EGFR: variants seen among roughly 807,000 people sequenced by gnomAD.
EGFR encodes the protein avian erythroblastic leukemia viral (v-erb-b) oncogene homolog.
In EGFR, 58 loss-of-function variants were observed where a neutral mutation model predicts 143.0. The ratio of observed to expected loss-of-function variants is 0.41; its 90% CI spans 0.33 to 0.50. EGFR has a LOEUF of 0.50. Among genes scored for constraint, EGFR ranks in the 20% least tolerant of loss-of-function variants. The pLI is 0.39. For missense variants in EGFR, 1,307 were observed against 1,579.0 expected, an observed-to-expected ratio of 0.83 and a Z score of 2.92; for synonymous variants, 613 against 594.4, an observed-to-expected ratio of 1.03 and a Z score of -0.45.
chr7:55,209,368 G>A lies in EGFR; in HGVS notation c.*3751G>A, dbSNP rs545116201. 3 of 152,236 alleles carry A rather than the reference G, an allele frequency of 2.0e-5. No homozygotes were observed. The highest frequency in any genetic ancestry group is 2.1e-4 in the South Asian group (1 of 4,818). 9.4% of individuals were successfully genotyped at this position (152,236 alleles called of 1,614,324 possible). ...CTGAGACTTGGCTCATTTCAAAAGC[G>A]TTCAATTCATCCTCACCAGCAGTTC... On this transcript the variant is annotated 3_prime_UTR_variant, in exon 28 of 28. Transcript: ENST00000275493.
chr7:55,068,359 C>A (rs957499380), intron 1 of EGFR, among the ~76,000 whole-genome samples: 1 of 152,148 alleles, frequency 6.6e-6, no homozygotes, highest in Non-Finnish European at 1.5e-5. Flanking sequence ...TCAGTGGCAG[C>A]CCCACACTCC....
intron 3 of EGFR, among the ~76,000 whole-genome samples, chr7:55,145,923 A>G (rs1794738421): frequency 6.6e-6 from 1 of 152,270 alleles, no homozygotes; most frequent in East Asian, 1.9e-4. Context: ...TTTTGTACAC[A>G]TAAGTCATTC....
chr7:55,099,202 C>T (rs1294525733), intron 1 of EGFR, among the ~76,000 whole-genome samples: 1 of 152,178 alleles, frequency 6.6e-6, no homozygotes, highest in East Asian at 1.9e-4. Context: ...ATCAGGATTC[C>T]ATGCCCAGAA....
intron 1 of EGFR, among the ~76,000 whole-genome samples, chr7:55,118,649 A>G (rs1368547065): frequency 6.6e-6 from 1 of 152,178 alleles, no homozygotes; most frequent in Non-Finnish European, 1.5e-5. Context: ...TGTCATGTCC[A>G]CTGGCACATG....
At chr7:55,117,463 G>C (rs1322228534) in intron 1 of EGFR, among the ~76,000 whole-genome samples, 2 of 152,226 alleles carry the variant, frequency 1.3e-5, no homozygotes, top group African/African-American at 4.8e-5. Flanking sequence ...GAGGCAGCTT[G>C]TCAAAGAGGA....
chr7:55,168,022 T>C (rs1321636797), intron 15 of EGFR, among the ~76,000 whole-genome samples: 1 of 152,210 alleles, frequency 6.6e-6, no homozygotes, highest in Non-Finnish European at 1.5e-5. Context: ...TTTTTAACTG[T>C]TTTTTAAAAT....
At chr7:55,205,215 C>G (rs1562810328) in intron 27 of EGFR, 41 bp from the exon 28 acceptor site, 6 of 1,611,462 alleles carry the variant, frequency 3.7e-6, no homozygotes, top group Non-Finnish European at 4.2e-6. Flanking sequence ...TGGGATGGTG[C>G]TTTGCTGATT....
At chr7:55,181,152 T>C in intron 19 of EGFR, 141 bp from the exon 20 acceptor site, 3 of 1,069,414 alleles carry the variant, frequency 2.8e-6, no homozygotes, top group Non-Finnish European at 4.2e-6. Flanking sequence ...CTAGGTCTTT[T>C]GCAGGCACAG....
rs1788119023 is a variant in EGFR at position 55,206,807 on chromosome 7, C to G, written c.*1190C>G. On this transcript the variant is annotated 3_prime_UTR_variant, in exon 28 of 28. Coordinates refer to ENST00000275493, the MANE Select transcript of EGFR (RefSeq NM_005228.5). Reference sequence around the variant, plus strand: ...ACGCTTTGTCACACAAAAAGTGTCTCTGCCTTGAGTCATCTATTCAAGCAC... The same window carrying G: ...ACGCTTTGTCACACAAAAAGTGTCTGTGCCTTGAGTCATCTATTCAAGCAC... 4.3e-6 allele frequency: 1 copy of G among 233,260 alleles called. No homozygotes were observed. The highest frequency in any genetic ancestry group is 8.5e-6 in the Non-Finnish European group (1 of 118,164). The allele number at this position is 233,260 out of a possible 1,614,324, so 14.4% of individuals were successfully genotyped here.
chr7:55,028,976 G>A (rs1787097968), intron 1 of EGFR, among the ~76,000 whole-genome samples: 1 of 151,984 alleles, frequency 6.6e-6, no homozygotes, highest in Non-Finnish European at 1.5e-5. Flanking sequence ...TGACCAACAT[G>A]GTGAAACCCG....
chr7:55,118,529 C>A (rs1158303402), intron 1 of EGFR, among the ~76,000 whole-genome samples: 1 of 152,194 alleles, frequency 6.6e-6, no homozygotes. Context: ...AGGTTGCCAC[C>A]TTTGGGGTAG....
At chr7:55,166,256 G>T (rs553938144) in intron 15 of EGFR, 5 of 560,758 alleles carry the variant, frequency 8.9e-6, no homozygotes, top group Admixed American at 4.2e-5. Flanking sequence ...AATCAAACTG[G>T]ATCCCACTCA....
At chr7:55,073,704 G>A (rs992197340) in intron 1 of EGFR, among the ~76,000 whole-genome samples, 2 of 152,166 alleles carry the variant, frequency 1.3e-5, no homozygotes. Flanking sequence ...TCTTTCTGGA[G>A]TCCCCTGAAT....
At chr7:55,165,581 C>T in intron 15 of EGFR, 144 bp downstream of exon 15, 1 of 1,126,266 alleles carries the variant, frequency 8.9e-7, no homozygotes, top group Non-Finnish European at 1.2e-6. Context: ...CACAGCCATG[C>T]CAGTAGCAAC....
chr7:55,173,264 AGTT>A, intron 17 of EGFR, 140 bp downstream of exon 17: 1 of 1,263,676 alleles, frequency 7.9e-7, no homozygotes, highest in Non-Finnish European at 1.1e-6. Flanking sequence ...CTGAATGTGC[AGTT>A]ATACCCAGTT....
chr7:55,100,240 C>G (rs529981093), intron 1 of EGFR, among the ~76,000 whole-genome samples: 1 of 152,220 alleles, frequency 6.6e-6, no homozygotes, highest in Non-Finnish European at 1.5e-5. Context: ...CCTGGGTCAC[C>G]TGACCTAGTT....
intron 3 of EGFR, among the ~76,000 whole-genome samples, chr7:55,144,224 G>A (rs1331537498): frequency 6.6e-6 from 1 of 152,318 alleles, no homozygotes; most frequent in East Asian, 1.9e-4. Flanking sequence ...GAGGGTGAAG[G>A]CGTCATTAGG....
chr7:55,153,888 A>T, intron 6 of EGFR, 123 bp from the exon 7 acceptor site: 1 of 1,455,758 alleles, frequency 6.9e-7, no homozygotes, highest in Non-Finnish European at 9.6e-7. Flanking sequence ...CTAGTGGAAC[A>T]CTAGGCTGCA....
At chr7:55,046,665 A>G (rs1382311938) in intron 1 of EGFR, among the ~76,000 whole-genome samples, 4 of 152,058 alleles carry the variant, frequency 2.6e-5, no homozygotes, top group African/African-American at 7.2e-5. Context: ...TCTCGTACAC[A>G]TTTCATATTA....
Sources: allele counts gnomAD v4.1 joint callset (sites outside exome capture counted in the v4.1 genomes callset), GRCh38; gene constraint gnomAD v4.1.1; transcripts MANE v1.5; gene names NCBI Gene and HGNC (gene_info 2026-07-23, HGNC 2026-07-21).